CD34: variants seen among roughly 807,000 people sequenced by gnomAD.
CD34 encodes the protein CD34 molecule, also known as hematopoietic progenitor cell antigen CD34.
In CD34, 34 loss-of-function variants were observed where a neutral mutation model predicts 40.1. The ratio of observed to expected loss-of-function variants is 0.85; its 90% confidence interval spans 0.65 to 1.13. The LOEUF is 1.13. CD34 is among the 50% of genes most tolerant of loss of function. CD34 has a pLI of 0.00. For synonymous variants in CD34, 209 were observed against 190.0 expected (o/e 1.10, Z -0.82); for missense variants, 426 against 466.9 (o/e 0.91, Z 0.81).
intron 3 of CD34, among the ~76,000 whole-genome samples, chr1:207,898,047 A>ATTTATTTG (rs1013652853): frequency 3.3e-5 from 5 of 150,446 alleles, no homozygotes; most frequent in Admixed American, 3.3e-4. Context: ...TTATTTATTT[A>ATTTATTTG]TTTATTTATT....
chr1:207,897,937 T>C (rs556683614), intron 3 of CD34, among the ~76,000 whole-genome samples: 1 of 152,308 alleles, frequency 6.6e-6, no homozygotes, highest in African/African-American at 2.4e-5. Context: ...GAAGGCCATA[T>C]AGGCAAACAG....
chr1:207,900,992 C>T (rs994682838), intron 1 of CD34, among the ~76,000 whole-genome samples: 5 of 127,606 alleles, frequency 3.9e-5, no homozygotes, highest in Non-Finnish European at 8.0e-5. Flanking sequence ...TCCTGGGATA[C>T]ATACTTTTTT....
At position 207,899,489 on chromosome 1, in the gene CD34, C is replaced by T. The variant is rs1245891054; in HGVS notation, c.263-263G>A. Among the ~76,000 whole-genome samples, 8 of 152,272 alleles carry T rather than the reference C, an allele frequency of 5.3e-5. No homozygotes were observed. The South Asian group carries it at 1.7e-3, about 32-fold the overall frequency. On this transcript the variant is annotated intron_variant, in intron 2 of 7. Transcript: ENST00000310833. ...CAAAGACCCCCAGTTTGGACCTGTA[C>T]CCACCTTCTTTCCTTTAGAAGAGAT...
rs1661820784 is a variant in CD34, at chr1:207,882,073, A to G, written c.*5665T>C. ...GAACTTCCAGTTCCAGACAAGATGG[A>G]GTGGACACACTTTTTCTTATGCCTC... On this transcript the variant is annotated 3_prime_UTR_variant, in exon 8 of 8. Transcript: ENST00000310833. 1.3e-5 allele frequency: 2 copies of G among 152,206 alleles called. No homozygotes were observed. The highest frequency in any genetic ancestry group is 1.3e-4 in the Admixed American group (2 of 15,282). 9.4% of individuals were successfully genotyped at this position (152,206 alleles called of 1,614,324 possible). A position where few individuals can be genotyped will look rare whatever the true frequency, so the allele number is the denominator to read the frequency against.
At chr1:207,897,876 G>A (rs912883275) in intron 3 of CD34, among the ~76,000 whole-genome samples, 1 of 152,098 alleles carries the variant, frequency 6.6e-6, no homozygotes, top group Admixed American at 6.5e-5. Flanking sequence ...GAGAGGGGAG[G>A]ATCTTTTCCC....
intron 4 of CD34, among the ~76,000 whole-genome samples, chr1:207,896,078 C>A (rs1180982574): frequency 1.3e-5 from 2 of 152,136 alleles, no homozygotes; most frequent in African/African-American, 2.4e-5. Context: ...AACTGATGAT[C>A]GTAGTAAAAC....
intron 1 of CD34, among the ~76,000 whole-genome samples, chr1:207,901,626 G>A (rs2102303674): frequency 6.6e-6 from 1 of 152,354 alleles, no homozygotes; most frequent in Middle Eastern, 3.4e-3. Flanking sequence ...CCAAGAATCT[G>A]AGCATCCCAA....
In CD34 at chr1:207,883,207, A is replaced by G. The variant is rs1220944499; in HGVS notation, c.*4531T>C. ...TTCTACTTCTCTGTCATACCAGAAA[A>G]CACATTGTCCTTTGACAGTACCTTA... On this transcript the variant is annotated 3_prime_UTR_variant, in exon 8 of 8. Transcript: ENST00000310833. The G allele has an allele frequency of 1.3e-5, 2 of 152,212 alleles. No individual in the cohort carries two copies. The highest frequency in any genetic ancestry group is 2.4e-5 in the African/African-American group (1 of 41,436). 9.4% of individuals were successfully genotyped at this position (152,212 alleles called of 1,614,324 possible).
chr1:207,907,887 G>A (rs1038377583), intron 1 of CD34, among the ~76,000 whole-genome samples: 1 of 152,250 alleles, frequency 6.6e-6, no homozygotes, highest in African/African-American at 2.4e-5. Context: ...TCTTCTGGAG[G>A]GTGGTGTTGT....
intron 4 of CD34, among the ~76,000 whole-genome samples, chr1:207,893,669 A>G (rs1224983964): frequency 2.0e-5 from 3 of 152,228 alleles, no homozygotes; most frequent in Non-Finnish European, 2.9e-5. Context: ...GTCAATGTGA[A>G]TAAGAGTAAA....
rs770836393 is a variant in CD34 at position 207,910,957 on chromosome 1, C to T, written c.79+45G>A. ...CAGCCTCCCAGAAAGCCTCCACCCT[C>T]CCCGCGGCGAAGCCAAGCGGCCGCG... On this transcript the variant is annotated intron_variant, in intron 1 of 7. Transcript: ENST00000310833. 3 of 1,531,116 alleles carry T rather than the reference C, an allele frequency of 2.0e-6. No individual in the cohort carries two copies. The South Asian group carries it at 3.6e-5, about 18-fold the overall frequency. 94.8% of individuals were successfully genotyped at this position (1,531,116 alleles called of 1,614,324 possible). A position where few individuals can be genotyped will look rare whatever the true frequency, so the allele number is the denominator to read the frequency against.
intron 5 of CD34, 88 bp from the exon 6 acceptor site, chr1:207,889,301 A>T: frequency 6.2e-7 from 1 of 1,603,952 alleles, no homozygotes; most frequent in Non-Finnish European, 8.5e-7. Context: ...AGATGCTCTG[A>T]TGGCCAGGGT....
rs536262969 is a variant in CD34 at position 207,882,557 on chromosome 1, T to C, written c.*5181A>G. On this transcript the variant is annotated 3_prime_UTR_variant, in exon 8 of 8. Transcript: ENST00000310833. The stretch of plus-strand genomic sequence containing the variant: ...ATGTTGAAACCATCTGACAAGAATT[T>C]TAAAACAGACAGCCATCATAAACAT... 6 of 152,320 alleles carry C rather than the reference T, an allele frequency of 3.9e-5. No individual in the cohort carries two copies. The South Asian group carries it at 1.0e-3, about 26-fold the overall frequency. 9.4% of individuals were successfully genotyped at this position (152,320 alleles called of 1,614,324 possible).
Position 207,899,091 on chromosome 1 carries a change from G to C in CD34, c.398C>G (p.Thr133Ser), listed in dbSNP as rs148688256. ...TPANVSTPETTLKPSLSPGNV... is the reference protein window; with the variant it reads ...TPANVSTPETSLKPSLSPGNV... Reference sequence around the variant, plus strand: ...TCCAGGTGACAGGCTAGGCTTCAAGGTTGTCTCTGGAGTTGAAACGTTGGC... The same window carrying C: ...TCCAGGTGACAGGCTAGGCTTCAAGCTTGTCTCTGGAGTTGAAACGTTGGC... The change falls in exon 3 of 8, where the codon ACC becomes AGC. Residue 133 changes from threonine (T) to serine (S), a missense_variant. Thr to Ser is a moderately conservative substitution (Grantham distance 58, BLOSUM62 1). Coordinates refer to ENST00000310833, the MANE Select transcript of CD34 (RefSeq NM_001025109.2). 6.2e-7 allele frequency: 1 copy of C among 1,614,106 alleles called. No individual in the cohort carries two copies. Among genetic ancestry groups the C allele is most frequent in the African/African-American group, 1.3e-5 (1 of 74,932 alleles).
rs1661894275 is a variant in CD34 at position 207,886,356 on chromosome 1, G to T, written c.*1382C>A. 1 of 152,190 alleles carries T rather than the reference G, an allele frequency of 6.6e-6. No individual in the cohort carries two copies. Among genetic ancestry groups the T allele is most frequent in the South Asian group, 2.1e-4 (1 of 4,828 alleles). The allele number at this position is 152,190 out of a possible 1,614,324, so 9.4% of individuals were successfully genotyped here. ...GGATGTTTCCTCTCCCCATGGAGGA[G>T]AATAGTTGGCAGACTTGGCTAAAGG... is the stretch of plus-strand genomic sequence containing the variant. On this transcript the variant is annotated 3_prime_UTR_variant, in exon 8 of 8. Coordinates refer to ENST00000310833, the MANE Select transcript of CD34 (RefSeq NM_001025109.2).
intron 4 of CD34, 63 bp from the exon 5 acceptor site, chr1:207,889,684 CCA>C: frequency 6.2e-7 from 1 of 1,608,748 alleles, no homozygotes; most frequent in Non-Finnish European, 8.5e-7. Flanking sequence ...TAAACTGCAC[CCA>C]GAGTCTCTGA....
At chr1:207,910,294 T>G (rs1662480026) in intron 1 of CD34, among the ~76,000 whole-genome samples, 1 of 152,152 alleles carries the variant, frequency 6.6e-6, no homozygotes, top group Non-Finnish European at 1.5e-5. Flanking sequence ...TGACGGTTTT[T>G]GGTAAGGCGA....
chr1:207,904,972 G>A (rs1181184584), intron 1 of CD34, among the ~76,000 whole-genome samples: 1 of 152,176 alleles, frequency 6.6e-6, no homozygotes, highest in African/African-American at 2.4e-5. Flanking sequence ...GAGTGTTCAT[G>A]TGAAGATAAC....
chr1:207,891,898 T>C (rs1304150016), intron 4 of CD34, among the ~76,000 whole-genome samples: 2 of 151,986 alleles, frequency 1.3e-5, no homozygotes, highest in African/African-American at 4.8e-5. Flanking sequence ...CTAAGGAGCG[T>C]GAGGACACGT....
Sources: allele counts gnomAD v4.1 joint callset (sites outside exome capture counted in the v4.1 genomes callset), GRCh38; gene constraint gnomAD v4.1.1; transcripts MANE v1.5; gene names NCBI Gene and HGNC (gene_info 2026-07-23, HGNC 2026-07-21).